The following MLLT3 variants were observed in gnomAD, a reference collection of about 807,000 sequenced individuals.
MLLT3 encodes protein AF-9.
A neutral mutation model predicts 53.2 loss-of-function variants in MLLT3; 4 were observed. That is an observed-to-expected ratio of 0.08 (90% CI 0.04 to 0.17). MLLT3 has a LOEUF of 0.17. Ranked by LOEUF, MLLT3 falls within the 10% of genes least tolerant of loss-of-function variation. MLLT3 has a pLI of 1.00. For missense variants in MLLT3, 569 were observed against 684.0 expected (o/e 0.83, Z 1.87); for synonymous variants, 283 against 230.6 (o/e 1.23, Z -2.06).
rs184938941 is a variant in MLLT3, at chr9:20,521,030, T to A, written c.194-64244A>T. ...GAACCTTTGAAATAATTTTTTTAAA[T>A]TTAAATGAGTTGCACAGCTAAGCTG... On this transcript the variant is annotated intron_variant, in intron 2 of 10. Transcript: ENST00000380338. 3.6e-3 allele frequency among the ~76,000 whole-genome samples: 542 copies of A among 152,216 alleles called. 8 individuals carry two copies. Among genetic ancestry groups the A allele is most frequent in the Admixed American group, 0.016 (242 of 15,280 alleles).
intron 5 of MLLT3, among the ~76,000 whole-genome samples, chr9:20,369,950 G>A (rs1821553707): frequency 6.6e-6 from 1 of 152,190 alleles, no homozygotes; most frequent in Non-Finnish European, 1.5e-5. Context: ...ATTCAGAGAA[G>A]TCCAATGAGG....
intron 2 of MLLT3, among the ~76,000 whole-genome samples, chr9:20,490,994 C>G (rs1210912614): frequency 1.3e-5 from 2 of 152,098 alleles, no homozygotes; most frequent in Admixed American, 6.5e-5. Flanking sequence ...TTTCACTCAA[C>G]AGGGAAATAC....
intron 5 of MLLT3, among the ~76,000 whole-genome samples, chr9:20,388,315 G>GC: frequency 6.6e-6 from 1 of 152,204 alleles, no homozygotes. Context: ...CTGGCCGGGT[G>GC]CGGTGGCTCA....
At chr9:20,594,028 T>C (rs796792619) in intron 2 of MLLT3, among the ~76,000 whole-genome samples, 11 of 150,890 alleles carry the variant, frequency 7.3e-5, no homozygotes, top group African/African-American at 2.7e-4. Flanking sequence ...GCAACATCCG[T>C]CTCCTGGGTT....
Position 20,620,911 on chromosome 9 carries a change from T to G in MLLT3, c.13-77A>C. ...CGGCAGTGAACGTTGCGCCTGACAT[T>G]TTTTTCCTCCTTCTTGAAACGCACA... On this transcript the variant is annotated intron_variant, in intron 1 of 10. Coordinates refer to ENST00000380338, the MANE Select transcript of MLLT3 (RefSeq NM_004529.4). The surrounding 1 kb of genome is among the most constrained non-coding windows in gnomAD (Gnocchi z 6.1). 6.6e-7 allele frequency: 1 copy of G among 1,508,070 alleles called. No individual in the cohort carries two copies. Among genetic ancestry groups the G allele is most frequent in the Admixed American group, 1.7e-5 (1 of 59,528 alleles). The allele number at this position is 1,508,070 out of a possible 1,614,324, so 93.4% of individuals were successfully genotyped here.
intron 5 of MLLT3, among the ~76,000 whole-genome samples, chr9:20,410,118 T>C (rs554512027): frequency 3.3e-5 from 5 of 152,242 alleles, no homozygotes; most frequent in African/African-American, 4.8e-5. Flanking sequence ...ACCATACACC[T>C]TGTGACGACA....
intron 2 of MLLT3, among the ~76,000 whole-genome samples, chr9:20,553,082 T>C (rs1245346738): frequency 1.3e-5 from 2 of 152,182 alleles, no homozygotes; most frequent in African/African-American, 4.8e-5. Context: ...GTAATAGGTG[T>C]TTCTTCTTCA....
At chr9:20,577,387 G>T (rs532688776) in intron 2 of MLLT3, among the ~76,000 whole-genome samples, 1 of 152,094 alleles carries the variant, frequency 6.6e-6, no homozygotes, top group Non-Finnish European at 1.5e-5. Flanking sequence ...ATAACCATTT[G>T]TTTTTATCTT....
chr9:20,532,503 T>C (rs1268910053), intron 2 of MLLT3: 3 of 193,574 alleles, frequency 1.5e-5, no homozygotes, highest in Non-Finnish European at 3.1e-5. Flanking sequence ...CCTAGGTCAT[T>C]AGAACATTTA....
intron 5 of MLLT3, 77 bp from the exon 6 acceptor site, chr9:20,365,821 G>A (rs777920044): frequency 2.0e-4 from 283 of 1,445,486 alleles, no homozygotes; most frequent in Non-Finnish European, 2.6e-4. Flanking sequence ...CAGTATTGTT[G>A]CTCAAACCAT....
At chr9:20,349,050 T>C (rs10964542) in intron 10 of MLLT3, among the ~76,000 whole-genome samples, 22,754 of 152,212 alleles carry the variant, frequency 0.15, 1,750 homozygotes, top group African/African-American at 0.16. Flanking sequence ...ATTTCAAATT[T>C]ATGCAATGGA....
At chr9:20,369,236 T>C (rs748872531) in intron 5 of MLLT3, among the ~76,000 whole-genome samples, 50 of 152,182 alleles carry the variant, frequency 3.3e-4, no homozygotes, top group Non-Finnish European at 6.2e-4. Flanking sequence ...TATGAGGAGA[T>C]TCTGATTTAA....
chr9:20,352,809 A>C (rs1266565379), intron 10 of MLLT3, among the ~76,000 whole-genome samples: 2 of 152,050 alleles, frequency 1.3e-5, no homozygotes, highest in Non-Finnish European at 2.9e-5. Flanking sequence ...AAAAATTCAA[A>C]CAGCGAAACA....
At chr9:20,491,844 A>G (rs1446806631) in intron 2 of MLLT3, among the ~76,000 whole-genome samples, 2 of 152,130 alleles carry the variant, frequency 1.3e-5, no homozygotes, top group East Asian at 3.8e-4. Context: ...CTTTCAGAGC[A>G]TAGTACAAAG....
At chr9:20,608,749 T>G (rs1414349894) in intron 2 of MLLT3, among the ~76,000 whole-genome samples, 2 of 151,984 alleles carry the variant, frequency 1.3e-5, no homozygotes, top group Non-Finnish European at 2.9e-5. Context: ...AAAATCTTAT[T>G]GTAAATGTGC....
chr9:20,598,182 G>T (rs996409826), intron 2 of MLLT3, among the ~76,000 whole-genome samples: 1 of 152,156 alleles, frequency 6.6e-6, no homozygotes, highest in Non-Finnish European at 1.5e-5. Context: ...ATAAAATGCT[G>T]TAGAAACCAA....
chr9:20,620,881 G>A lies in MLLT3; in HGVS notation c.13-47C>T, dbSNP rs1201991375. 6.2e-7 allele frequency: 1 copy of A among 1,600,914 alleles called. No homozygotes were observed. Among genetic ancestry groups the A allele is most frequent in the South Asian group, 1.1e-5 (1 of 90,824 alleles). On this transcript the variant is annotated intron_variant, in intron 1 of 10. Transcript: ENST00000380338. The surrounding 1 kb of genome is among the most constrained non-coding windows in gnomAD (Gnocchi z 6.1). ...ACAGCCGTGAATAACAGGAAGGCGA[G>A]GTTTCGGCAGTGAACGTTGCGCCTG...
chr9:20,382,994 G>T (rs1821941817), intron 5 of MLLT3, among the ~76,000 whole-genome samples: 1 of 151,816 alleles, frequency 6.6e-6, no homozygotes, highest in Admixed American at 6.6e-5. Flanking sequence ...ACATTTTCTT[G>T]TGCAAATAAA....
chr9:20,447,688 GAGTGA>G (rs1823738893), intron 4 of MLLT3, among the ~76,000 whole-genome samples: 2 of 152,158 alleles, frequency 1.3e-5, no homozygotes, highest in Non-Finnish European at 2.9e-5. Context: ...CATGTAGTAT[GAGTGA>G]AGATACCTTT....
Sources: allele counts gnomAD v4.1 joint callset (sites outside exome capture counted in the v4.1 genomes callset), GRCh38; gene constraint gnomAD v4.1.1; non-coding constraint Gnocchi (gnomAD v3.1); transcripts MANE v1.5; gene names NCBI Gene and HGNC (gene_info 2026-07-23, HGNC 2026-07-21).